Variants in PTPRT observed in about 807,000 individuals in gnomAD.
The protein encoded by PTPRT is protein tyrosine phosphatase receptor type T.
Under a neutral mutation model 176.8 loss-of-function variants are expected in PTPRT, and 56 were observed. That is an observed-to-expected ratio of 0.32 (90% CI 0.26 to 0.40). PTPRT has a LOEUF of 0.40. PTPRT is among the 10% of genes least tolerant of loss of function. The pLI, the probability that PTPRT is intolerant of heterozygous loss-of-function variation, is 1.00. For synonymous variants in PTPRT, 783 were observed against 739.0 expected (o/e 1.06, Z -0.96); for missense variants, 1,540 against 1,908.2 (o/e 0.81, Z 3.60).
At chr20:43,167,440 A>AT in intron 1 of PTPRT, among the ~76,000 whole-genome samples, 1 of 152,284 alleles carries the variant, frequency 6.6e-6, no homozygotes, top group South Asian at 2.1e-4. Context: ...GCAAAAAAAA[A>AT]GAGGTGGGGT....
chr20:42,858,795 C>T (rs1362692599), intron 2 of PTPRT, among the ~76,000 whole-genome samples: 1 of 152,190 alleles, frequency 6.6e-6, no homozygotes, highest in Non-Finnish European at 1.5e-5. Context: ...AGTAGGCTAA[C>T]CTAGCAGAGT....
At chr20:42,824,513 G>A (rs1018689439) in intron 2 of PTPRT, among the ~76,000 whole-genome samples, 2 of 152,012 alleles carry the variant, frequency 1.3e-5, no homozygotes, top group African/African-American at 4.8e-5. Flanking sequence ...AATGAGGGGA[G>A]AAAGGCTAAA....
intron 2 of PTPRT, among the ~76,000 whole-genome samples, chr20:42,804,811 A>C (rs1289221119): frequency 6.6e-6 from 1 of 152,126 alleles, no homozygotes; most frequent in Non-Finnish European, 1.5e-5. Flanking sequence ...TCAGATTCAC[A>C]TGGTTTATCC....
At chr20:42,563,504 T>C (rs1047064103) in intron 7 of PTPRT, among the ~76,000 whole-genome samples, 2 of 152,160 alleles carry the variant, frequency 1.3e-5, no homozygotes, top group African/African-American at 2.4e-5. Context: ...TCTAGGAAGA[T>C]GTCCCAAGGA....
At chr20:42,270,575 C>T (rs746849907) in intron 13 of PTPRT, 56 of 731,804 alleles carry the variant, frequency 7.7e-5, no homozygotes, top group Non-Finnish European at 1.1e-4. Flanking sequence ...AGAGCTCACA[C>T]TAAATAGCAA....
At chr20:42,718,253 G>A (rs1409195460) in intron 6 of PTPRT, among the ~76,000 whole-genome samples, 2 of 152,128 alleles carry the variant, frequency 1.3e-5, no homozygotes, top group Non-Finnish European at 2.9e-5. Context: ...GAGTAACAAC[G>A]TGGGCCAGGC....
intron 16 of PTPRT, among the ~76,000 whole-genome samples, chr20:42,192,951 G>C (rs1393979744): frequency 6.6e-6 from 1 of 152,152 alleles, no homozygotes; most frequent in Non-Finnish European, 1.5e-5. Flanking sequence ...AGGGAATAGA[G>C]GAACCAGTAA....
intron 2 of PTPRT, among the ~76,000 whole-genome samples, chr20:42,877,496 C>T (rs1273470117): frequency 6.6e-6 from 1 of 152,114 alleles, no homozygotes; most frequent in Non-Finnish European, 1.5e-5. Context: ...ACAAAGGCTG[C>T]TCTCGTGTGA....
At chr20:42,798,995 C>T (rs965171007) in intron 2 of PTPRT, among the ~76,000 whole-genome samples, 4 of 151,614 alleles carry the variant, frequency 2.6e-5, no homozygotes, top group Non-Finnish European at 5.9e-5. Flanking sequence ...AATCCCTAGC[C>T]GCCTGCATTC....
intron 15 of PTPRT, among the ~76,000 whole-genome samples, chr20:42,231,998 C>T (rs985665150): frequency 1.3e-5 from 2 of 152,164 alleles, no homozygotes; most frequent in Non-Finnish European, 2.9e-5. Flanking sequence ...TTTATTTCTT[C>T]TTCTTAGCTC....
At chr20:42,113,913 AGGAGCCTGGGGGTTGGAGGG>A (rs1470156965) in intron 22 of PTPRT, among the ~76,000 whole-genome samples, 4 of 152,188 alleles carry the variant, frequency 2.6e-5, no homozygotes, top group African/African-American at 9.7e-5. Flanking sequence ...CTGAGACTTT[AGGAGCCTGGGGGTTGGAGGG>A]GGAGCTTCCG....
Position 42,073,949 on chromosome 20 carries a change from C to T in PTPRT, c.*6930G>A, listed in dbSNP as rs1982534508. On this transcript the variant is annotated 3_prime_UTR_variant, in exon 31 of 31. Transcript: ENST00000373187. ...GCTGCTGAGATGGGCAGCTTATCCT[C>T]TCTGGCAGACAGCAGGTTCTTCCTT... 4.3e-6 allele frequency: 1 copy of T among 230,404 alleles called. No homozygotes were observed. Among genetic ancestry groups the T allele is most frequent in the East Asian group, 6.1e-5 (1 of 16,300 alleles). The allele number at this position is 230,404 out of a possible 1,614,324, so 14.3% of individuals were successfully genotyped here. A position where few individuals can be genotyped will look rare whatever the true frequency, so the allele number is the denominator to read the frequency against.
intron 1 of PTPRT, among the ~76,000 whole-genome samples, chr20:43,092,968 C>T (rs185858536): frequency 1.2e-4 from 19 of 152,282 alleles, no homozygotes; most frequent in African/African-American, 4.6e-4. Flanking sequence ...AGTTAACACA[C>T]ACACATATAC....
At chr20:43,008,026 A>G (rs1984937821) in intron 1 of PTPRT, among the ~76,000 whole-genome samples, 1 of 152,230 alleles carries the variant, frequency 6.6e-6, no homozygotes, top group Non-Finnish European at 1.5e-5. Context: ...TTCCTGAGGC[A>G]GAATGCTGCA....
rs747907896 is a variant in PTPRT at position 43,189,739 on chromosome 20, C to A, written c.-6G>T. The A allele has an allele frequency of 8.1e-7, 1 of 1,230,162 alleles. No individual in the cohort carries two copies. Among genetic ancestry groups the A allele is most frequent in the Non-Finnish European group, 1.0e-6 (1 of 987,166 alleles). 76.2% of individuals were successfully genotyped at this position (1,230,162 alleles called of 1,614,324 possible). A position where few individuals can be genotyped will look rare whatever the true frequency, so the allele number is the denominator to read the frequency against. On this transcript the variant is annotated 5_prime_UTR_variant, in exon 1 of 31. Transcript: ENST00000373187. This position sits in a 1 kb window ranked among gnomAD's most constrained non-coding sequence, Gnocchi z 5.0. ...AGCGCGGCGAGGCTCGCCATCCGGGCGGCGGCGGGCAGCTCAGCCCCTTCC... is the reference window on the plus strand; with the variant it reads ...AGCGCGGCGAGGCTCGCCATCCGGGAGGCGGCGGGCAGCTCAGCCCCTTCC...
intron 6 of PTPRT, among the ~76,000 whole-genome samples, chr20:42,685,023 G>C (rs1474699852): frequency 6.6e-6 from 1 of 152,122 alleles, no homozygotes; most frequent in Non-Finnish European, 1.5e-5. Flanking sequence ...AAGTCAAACA[G>C]TTAGTCATTC....
intron 16 of PTPRT, among the ~76,000 whole-genome samples, chr20:42,187,592 G>C (rs566842513): frequency 6.6e-6 from 1 of 152,216 alleles, no homozygotes; most frequent in South Asian, 2.1e-4. Flanking sequence ...GACTTTCCTA[G>C]ATCCACTCCC....
At chr20:42,335,695 G>T (rs191664117) in intron 11 of PTPRT, among the ~76,000 whole-genome samples, 2 of 152,246 alleles carry the variant, frequency 1.3e-5, no homozygotes, top group African/African-American at 4.8e-5. Context: ...GAAGAAATTG[G>T]CAGAAAAGAA....
chr20:42,343,124 A>AC lies in PTPRT; in HGVS notation c.1865+7503dup, dbSNP rs2058136717. Among the ~76,000 whole-genome samples, 6 of 152,156 alleles carry AC rather than the reference A, an allele frequency of 3.9e-5. No individual in the cohort carries two copies. The South Asian group carries it at 1.2e-3, about 32-fold the overall frequency. ...GAAAGCAGGTCTCATGTCCTAACTG[A>AC]CCTTGTAAAAGGTCCCTTAGAAGTC... is the stretch of plus-strand genomic sequence containing the variant. On this transcript the variant is annotated intron_variant, in intron 11 of 30. Coordinates refer to ENST00000373187, the MANE Select transcript of PTPRT (RefSeq NM_007050.6).
Sources: allele counts gnomAD v4.1 joint callset (sites outside exome capture counted in the v4.1 genomes callset), GRCh38; gene constraint gnomAD v4.1.1; non-coding constraint Gnocchi (gnomAD v3.1); transcripts MANE v1.5; gene names NCBI Gene and HGNC (gene_info 2026-07-23, HGNC 2026-07-21).